Variants in GNG2 observed in about 807,000 individuals in gnomAD.
GNG2 encodes G protein subunit gamma 2.
A neutral mutation model predicts 5.5 loss-of-function variants in GNG2; 5 were observed. The ratio of observed to expected loss-of-function variants is 0.91; its 90% CI spans 0.48 to 1.92. The LOEUF (loss-of-function observed/expected upper bound fraction) is 1.92, where lower values mean the gene tolerates loss of function less well. Ranked by LOEUF, GNG2 falls within the 30% of genes most tolerant of loss-of-function variation. The pLI is 0.01. For missense variants in GNG2, 55 were observed against 88.4 expected (o/e 0.62, Z 1.52); for synonymous variants, 28 against 32.0 (o/e 0.88, Z 0.42).
In GNG2 at chr14:51,911,840, T is replaced by TG. The variant is rs1336889260; in HGVS notation, c.-30+34184dup. Among the ~76,000 whole-genome samples, 3 of 145,424 alleles carry TG rather than the reference T, an allele frequency of 2.1e-5. 1 individual carries two copies. Among genetic ancestry groups the TG allele is most frequent in the African/African-American group, 8.1e-5 (3 of 37,256 alleles). On this transcript the variant is annotated intron_variant, in intron 2 of 3. Transcript: ENST00000556766. ...CTGGGATTACAGGCGTGAGCCACCA[T>TG]GCCCATCCTGATAGCCTTTTCTTAT...
At chr14:51,925,772 C>G (rs139989544) in intron 2 of GNG2, among the ~76,000 whole-genome samples, 1 of 142,062 alleles carries the variant, frequency 7.0e-6, no homozygotes, top group Non-Finnish European at 1.5e-5. Flanking sequence ...CCACTATGCC[C>G]GGCTAATTTT....
rs993212185 is a variant in GNG2 at position 51,969,697 on chromosome 14, C to A, written c.*3010C>A. The A allele has an allele frequency of 6.6e-6, 1 of 152,160 alleles. No individual in the cohort carries two copies. The highest frequency in any genetic ancestry group is 1.5e-5 in the Non-Finnish European group (1 of 68,018). 9.4% of individuals were successfully genotyped at this position (152,160 alleles called of 1,614,324 possible). ...TGGAGTGTGTGTTTCAAAGAGAGAA[C>A]TACAGAAATGTTAAAGCAGGAAAAC... On this transcript the variant is annotated 3_prime_UTR_variant, in exon 4 of 4. Coordinates refer to ENST00000556766, the MANE Select transcript of GNG2 (RefSeq NM_053064.5).
chr14:51,947,811 T>C (rs1336229564), intron 2 of GNG2, among the ~76,000 whole-genome samples: 1 of 152,242 alleles, frequency 6.6e-6, no homozygotes, highest in Admixed American at 6.5e-5. Flanking sequence ...CAGACTTTCC[T>C]TGATGCTTGA....
chr14:51,844,269 A>G (rs550909705), intron 2 of GNG2, among the ~76,000 whole-genome samples: 1 of 152,248 alleles, frequency 6.6e-6, no homozygotes, highest in East Asian at 1.9e-4. Flanking sequence ...CATAACTCAT[A>G]AGTCGTCACT....
chr14:51,925,014 C>T (rs1487471568), intron 2 of GNG2, among the ~76,000 whole-genome samples: 1 of 152,180 alleles, frequency 6.6e-6, no homozygotes, highest in Admixed American at 6.5e-5. Flanking sequence ...TTCAAAATCA[C>T]AGCTACATAG....
At chr14:51,857,347 G>T (rs1254071352), upstream of GNG2, among the ~76,000 whole-genome samples, 1 of 152,202 alleles carries the variant, frequency 6.6e-6, no homozygotes, top group Non-Finnish European at 1.5e-5. Context: ...AAGCAGCACA[G>T]TCCCATCAGG....
intron 1 of GNG2, among the ~76,000 whole-genome samples, chr14:51,827,019 AGT>A (rs1412321932): frequency 6.6e-6 from 1 of 152,180 alleles, no homozygotes. Flanking sequence ...TGAGAGGTGT[AGT>A]TCAGGTAATT....
At chr14:51,849,670 A>G (rs1421295514) in intron 2 of GNG2, among the ~76,000 whole-genome samples, 1 of 152,166 alleles carries the variant, frequency 6.6e-6, no homozygotes, top group Non-Finnish European at 1.5e-5. Flanking sequence ...TTATTTTTGC[A>G]TTCCCTCACT....
chr14:51,931,827 C>A (rs1456467341), intron 2 of GNG2, among the ~76,000 whole-genome samples: 1 of 152,162 alleles, frequency 6.6e-6, no homozygotes, highest in Non-Finnish European at 1.5e-5. Flanking sequence ...AATGCCTCTT[C>A]TGGGTATGTA....
In GNG2 at chr14:51,969,514, T is replaced by G. The variant is rs1039977082; in HGVS notation, c.*2827T>G. 24 of 152,240 alleles carry G rather than the reference T, an allele frequency of 1.6e-4. No individual in the cohort carries two copies. The highest frequency in any genetic ancestry group is 2.4e-4 in the Non-Finnish European group (16 of 68,044). 9.4% of individuals were successfully genotyped at this position (152,240 alleles called of 1,614,324 possible). On this transcript the variant is annotated 3_prime_UTR_variant, in exon 4 of 4. Coordinates refer to ENST00000556766, the MANE Select transcript of GNG2 (RefSeq NM_053064.5). ...ACGCTCATAGTCACATATGGAATTT[T>G]GAGAAAATAAAGCATGCTGTCTTTA... is the stretch of plus-strand genomic sequence containing the variant.
intron 2 of GNG2, among the ~76,000 whole-genome samples, chr14:51,895,818 G>T (rs992980304): frequency 9.2e-5 from 14 of 152,176 alleles, no homozygotes; most frequent in South Asian, 6.2e-4. Flanking sequence ...TCTTTCCTGT[G>T]CTGTTCTTGC....
chr14:51,873,251 C>G (rs192490245), intron 1 of GNG2, among the ~76,000 whole-genome samples: 104 of 152,260 alleles, frequency 6.8e-4, no homozygotes, highest in African/African-American at 2.2e-3. Flanking sequence ...ATAAACCAGC[C>G]AGAAACCTGT....
upstream of GNG2, among the ~76,000 whole-genome samples, chr14:51,856,107 G>A (rs985142911): frequency 1.1e-4 from 17 of 152,188 alleles, no homozygotes; most frequent in African/African-American, 2.4e-4. Flanking sequence ...GAACCTGGGA[G>A]GTGGAGGTTG....
At chr14:51,902,945 G>A (rs140437891) in intron 2 of GNG2, among the ~76,000 whole-genome samples, 2 of 152,068 alleles carry the variant, frequency 1.3e-5, no homozygotes, top group Non-Finnish European at 2.9e-5. Flanking sequence ...TTCAATGCAG[G>A]AGAACTATTG....
chr14:51,955,612 C>T (rs985917785), intron 3 of GNG2, among the ~76,000 whole-genome samples: 1 of 152,106 alleles, frequency 6.6e-6, no homozygotes, highest in Non-Finnish European at 1.5e-5. Flanking sequence ...CCATGACATT[C>T]CCAGTTACAT....
intron 2 of GNG2, among the ~76,000 whole-genome samples, chr14:51,938,740 G>A: frequency 6.6e-6 from 1 of 152,126 alleles, no homozygotes; most frequent in African/African-American, 2.4e-5. Flanking sequence ...CCTATTTGGG[G>A]AACTCAGCAT....
chr14:51,830,995 G>A (rs1881173636), intron 2 of GNG2, among the ~76,000 whole-genome samples: 1 of 152,124 alleles, frequency 6.6e-6, no homozygotes, highest in Non-Finnish European at 1.5e-5. Flanking sequence ...TCTCTCCTTT[G>A]CTCATGCCAC....
chr14:51,888,905 T>C (rs771046143), intron 2 of GNG2, among the ~76,000 whole-genome samples: 1 of 152,102 alleles, frequency 6.6e-6, no homozygotes, highest in Non-Finnish European at 1.5e-5. Flanking sequence ...AAGGTACTGA[T>C]ACATGCTACA....
intron 2 of GNG2, among the ~76,000 whole-genome samples, chr14:51,900,929 A>G (rs1296094338): frequency 6.6e-6 from 1 of 152,212 alleles, no homozygotes; most frequent in African/African-American, 2.4e-5. Flanking sequence ...TATGCATGCA[A>G]AGCTCAAATG....
Sources: allele counts gnomAD v4.1 joint callset (sites outside exome capture counted in the v4.1 genomes callset), GRCh38; gene constraint gnomAD v4.1.1; transcripts MANE v1.5; gene names NCBI Gene and HGNC (gene_info 2026-07-23, HGNC 2026-07-21).